Variants in PARP4 observed in about 807,000 individuals in gnomAD.
The protein encoded by PARP4 is protein mono-ADP-ribosyltransferase PARP4.
PARP4 carries 120 observed loss-of-function variants against 187.7 expected under a neutral mutation model. The observed-to-expected ratio is 0.64, with a 90% CI of 0.55 to 0.74. PARP4 has a LOEUF of 0.74. PARP4 is among the 30% of genes least tolerant of loss of function. The pLI, the probability that PARP4 is intolerant of heterozygous loss-of-function variation, is 0.00. For missense variants in PARP4, 1,836 were observed against 2,070.5 expected, an observed-to-expected ratio of 0.89 and a Z score of 2.20; for synonymous variants, 654 against 740.9, an observed-to-expected ratio of 0.88 and a Z score of 1.90.
chr13:24,447,964 T>C (rs1457273510), intron 25 of PARP4, among the ~76,000 whole-genome samples: 1 of 152,116 alleles, frequency 6.6e-6, no homozygotes, highest in Non-Finnish European at 1.5e-5. Context: ...CCCAGCACTT[T>C]GGGAGGCCAA....
At chr13:24,512,624 G>C (rs1870082365) in intron 1 of PARP4, 82 bp downstream of exon 1, 1 of 152,674 alleles carries the variant, frequency 6.5e-6, no homozygotes, top group Non-Finnish European at 1.5e-5. Context: ...TGCAGCCACT[G>C]GCGGGAAAGT....
chr13:24,452,554 T>C lies in PARP4; in HGVS notation c.2866A>G (p.Thr956Ala). 6.2e-7 allele frequency: 1 copy of C among 1,613,958 alleles called. No individual in the cohort carries two copies. Among genetic ancestry groups the C allele is most frequent in the South Asian group, 1.1e-5 (1 of 91,060 alleles). ...TACAATAAGCTAAGATATCGGAGTG[T>C]TTTCCAGAAGTCTGTGTTCCCCATG... Reference protein sequence around the residue: ...PTMGNTDFWKTLRYLSLLYPA... With the variant: ...PTMGNTDFWKALRYLSLLYPA... Residue 956 changes from threonine (T) to alanine (A), a missense_variant, in exon 24 of 34, where the codon ACA becomes GCA. Physicochemically the swap from Thr to Ala is moderately conservative, Grantham distance 58. This residue lies in a region of PARP4 where 1,147 missense variants were observed against 1,214.2 expected (regional missense o/e 0.94). Coordinates refer to ENST00000381989, the MANE Select transcript of PARP4 (RefSeq NM_006437.4).
In PARP4 at chr13:24,434,503, A is replaced by G; in HGVS notation, c.4638T>C (p.Asp1546=). The G allele has an allele frequency of 1.2e-6, 2 of 1,613,972 alleles. No individual in the cohort carries two copies. The highest frequency in any genetic ancestry group is 8.5e-7 in the Non-Finnish European group (1 of 1,179,816). ...CFLQIKCDTK[D]DSILCFLEVK... is the part of the protein sequence containing the mutation. The stretch of plus-strand genomic sequence containing the variant: ...CTTCCAGAAAGCACAGGATACTGTC[A>G]TCTTTTGTATCACATTTTATTTGTA... Residue 1546 remains aspartate, a synonymous_variant, in exon 31 of 34, where the codon GAT becomes GAC. Coordinates refer to ENST00000381989, the MANE Select transcript of PARP4 (RefSeq NM_006437.4).
intron 17 of PARP4, among the ~76,000 whole-genome samples, chr13:24,467,785 A>T (rs1872546482): frequency 6.6e-6 from 1 of 152,164 alleles, no homozygotes; most frequent in Admixed American, 6.5e-5. Flanking sequence ...ATTCCTAGGG[A>T]AATATGTAAG....
At chr13:24,450,360 ACTC>A (rs1871444302) in intron 24 of PARP4, among the ~76,000 whole-genome samples, 1 of 151,236 alleles carries the variant, frequency 6.6e-6, no homozygotes, top group African/African-American at 2.4e-5. Context: ...ACTATCAAGA[ACTC>A]CTTGCTTAGA....
chr13:24,456,837 T>C (rs953044553), intron 20 of PARP4, among the ~76,000 whole-genome samples: 1 of 151,976 alleles, frequency 6.6e-6, no homozygotes, highest in Non-Finnish European at 1.5e-5. Context: ...GAGGTAAAGG[T>C]TGCAGTGAGC....
At chr13:24,511,119 G>C (rs753211623) in intron 1 of PARP4, among the ~76,000 whole-genome samples, 5 of 152,088 alleles carry the variant, frequency 3.3e-5, no homozygotes, top group African/African-American at 4.8e-5. Context: ...ATAAATCTGC[G>C]GTCTGTTCTT....
At chr13:24,504,161 T>C (rs1314373442) in intron 1 of PARP4, among the ~76,000 whole-genome samples, 2 of 152,182 alleles carry the variant, frequency 1.3e-5, no homozygotes, top group African/African-American at 4.8e-5. Context: ...TAATATATAA[T>C]TCTATGCATT....
intron 32 of PARP4, among the ~76,000 whole-genome samples, chr13:24,428,914 T>C (rs1870194372): frequency 6.6e-6 from 1 of 152,220 alleles, no homozygotes; most frequent in Non-Finnish European, 1.5e-5. Flanking sequence ...CAAATATTTT[T>C]CTATCTAACC....
intron 12 of PARP4, among the ~76,000 whole-genome samples, chr13:24,483,110 G>T (rs1370206422): frequency 6.6e-6 from 1 of 151,916 alleles, no homozygotes; most frequent in Non-Finnish European, 1.5e-5. Context: ...GCCTTGGACT[G>T]CTGGGCTCAA....
At chr13:24,431,517 A>T (rs1260438889) in intron 31 of PARP4, 41 bp from the exon 32 acceptor site, 1 of 1,266,758 alleles carries the variant, frequency 7.9e-7, no homozygotes, top group South Asian at 1.3e-5. Flanking sequence ...TGTTATTCAC[A>T]TTTTATCACA....
chr13:24,425,656 T>TGGG (rs1040089505), intron 33 of PARP4, among the ~76,000 whole-genome samples: 2 of 151,098 alleles, frequency 1.3e-5, no homozygotes, highest in Non-Finnish European at 1.5e-5. Context: ...TGCCATGGGG[T>TGGG]GGGGGGTCTG....
chr13:24,476,855 G>A (rs1199616627), intron 14 of PARP4, among the ~76,000 whole-genome samples: 1 of 152,184 alleles, frequency 6.6e-6, no homozygotes, highest in African/African-American at 2.4e-5. Context: ...AATTTACTCA[G>A]TGCCTTCAAT....
At chr13:24,489,281 T>C (rs149082003) in intron 10 of PARP4, among the ~76,000 whole-genome samples, 1 of 152,234 alleles carries the variant, frequency 6.6e-6, no homozygotes. Context: ...TCAGTCTCTC[T>C]ATATCCTCAC....
At chr13:24,465,563 T>A (rs1488047964) in intron 17 of PARP4, among the ~76,000 whole-genome samples, 1 of 152,064 alleles carries the variant, frequency 6.6e-6, no homozygotes, top group Non-Finnish European at 1.5e-5. Context: ...ACGTGGGAGC[T>A]GAACAATGAG....
intron 30 of PARP4, among the ~76,000 whole-genome samples, chr13:24,437,939 G>C (rs1317086701): frequency 2.6e-5 from 4 of 151,382 alleles, no homozygotes; most frequent in Non-Finnish European, 1.5e-5. Context: ...GTATTTTTTA[G>C]TAGAGACAGG....
intron 12 of PARP4, among the ~76,000 whole-genome samples, chr13:24,483,192 A>G (rs1873367324): frequency 6.6e-6 from 1 of 151,840 alleles, no homozygotes; most frequent in African/African-American, 2.4e-5. Flanking sequence ...GCTAATTTTA[A>G]AAAGTTTTTT....
At chr13:24,503,836 A>C (rs924232110) in intron 1 of PARP4, 59 bp from the exon 2 acceptor site, 1 of 1,461,088 alleles carries the variant, frequency 6.8e-7, no homozygotes, top group African/African-American at 1.4e-5. Flanking sequence ...GTGAATTTAG[A>C]ATTATTATAC....
intron 14 of PARP4, among the ~76,000 whole-genome samples, chr13:24,476,370 G>C (rs947762340): frequency 1.3e-5 from 2 of 152,242 alleles, no homozygotes; most frequent in South Asian, 2.1e-4. Flanking sequence ...TCTTCAGACT[G>C]TCTGAAGTGT....
Sources: gnomAD v4.1 joint callset for allele counts (sites outside exome capture counted in the v4.1 genomes callset) on GRCh38, gnomAD v4.1.1 for gene constraint, gnomAD v4.1.1 regional missense constraint, MANE v1.5 for transcripts, NCBI Gene and HGNC (gene_info 2026-07-23, HGNC 2026-07-21) for gene names.